Variants in CCDC57 observed in about 807,000 individuals in gnomAD.
The protein encoded by CCDC57 is coiled-coil domain-containing protein 57.
CCDC57 carries 118 observed loss-of-function variants against 118.9 expected under a neutral mutation model. That is an observed-to-expected ratio of 0.99 (90% CI 0.86 to 1.16). The LOEUF (loss-of-function observed/expected upper bound fraction) is 1.16. CCDC57 is among the 50% of genes most tolerant of loss of function. CCDC57 has a pLI of 0.00. For synonymous variants in CCDC57, 527 were observed against 532.9 expected (o/e 0.99, Z 0.15); for missense variants, 1,300 against 1,320.7 (o/e 0.98, Z 0.24).
At chr17:82,205,063 G>T (rs1046543001) in intron 2 of CCDC57, among the ~76,000 whole-genome samples, 1 of 152,360 alleles carries the variant, frequency 6.6e-6, no homozygotes, top group African/African-American at 2.4e-5. Context: ...CACAGTCTTG[G>T]CGACTGAAAC....
chr17:82,201,503 C>G, intron 3 of CCDC57, 35 bp downstream of exon 2: 1 of 1,533,004 alleles, frequency 6.5e-7, no homozygotes. Flanking sequence ...CTCTGCCAGG[C>G]ACTGCACAGG....
chr17:82,171,046 G>A (rs986153349), intron 13 of CCDC57, among the ~76,000 whole-genome samples: 2 of 152,002 alleles, frequency 1.3e-5, no homozygotes, highest in Non-Finnish European at 2.9e-5. Context: ...AACAGGGAGC[G>A]CTGACTGCAG....
At chr17:82,143,969 G>C (rs1369866113) in intron 16 of CCDC57, among the ~76,000 whole-genome samples, 1 of 150,480 alleles carries the variant, frequency 6.6e-6, no homozygotes. Flanking sequence ...AAATTAGCTA[G>C]GCTGAACCCG....
chr17:82,174,352 A>G (rs1452004976), intron 11 of CCDC57, among the ~76,000 whole-genome samples: 3 of 152,268 alleles, frequency 2.0e-5, no homozygotes, highest in Admixed American at 1.3e-4. Flanking sequence ...AAACGGAGAC[A>G]GTGCGATGCC....
At chr17:82,131,001 C>G (rs1375404178) in intron 17 of CCDC57, among the ~76,000 whole-genome samples, 1 of 148,448 alleles carries the variant, frequency 6.7e-6, no homozygotes, top group African/African-American at 2.5e-5. Context: ...TTGGTAGAGA[C>G]GAGGTTTTGC....
At position 82,210,210 on chromosome 17, in the gene CCDC57, G is replaced by A. The variant is rs1013541793; in HGVS notation, c.-210-2162C>T. On this transcript the variant is annotated intron_variant, in intron 1 of 19. Coordinates refer to ENST00000665763, the Ensembl canonical transcript of CCDC57. ...AAAAAGATGCACTAACACCGAGACC[G>A]CGCCCCTGCAAGCCAGCCTGGGAAG... 1.3e-5 allele frequency among the ~76,000 whole-genome samples: 2 copies of A among 152,038 alleles called. 1 individual carries two copies. The highest frequency in any genetic ancestry group is 4.8e-5 in the African/African-American group (2 of 41,380).
At chr17:82,169,383 C>T (rs2044391323) in intron 13 of CCDC57, among the ~76,000 whole-genome samples, 1 of 152,238 alleles carries the variant, frequency 6.6e-6, no homozygotes, top group Non-Finnish European at 1.5e-5. Context: ...CCCACCTCGG[C>T]CTCCCAAAGT....
At chr17:82,210,779 A>G (rs1212503884) in intron 1 of CCDC57, among the ~76,000 whole-genome samples, 2 of 151,390 alleles carry the variant, frequency 1.3e-5, no homozygotes, top group African/African-American at 4.9e-5. Flanking sequence ...GGATCACCTG[A>G]GGTCAGAAGT....
At chr17:82,161,120 G>A (rs1000553841) in intron 14 of CCDC57, among the ~76,000 whole-genome samples, 1 of 152,154 alleles carries the variant, frequency 6.6e-6, no homozygotes, top group East Asian at 1.9e-4. Flanking sequence ...GACACCAGGA[G>A]TCATCAGGAA....
exon 10 of CCDC57, chr17:82,179,097 T>A: frequency 6.2e-7 from 1 of 1,613,968 alleles, no homozygotes; most frequent in Non-Finnish European, 8.5e-7. Flanking sequence ...TTCAATGTCA[T>A]CACAGCGGCG....
intron 2 of CCDC57, among the ~76,000 whole-genome samples, chr17:82,202,502 C>G (rs2049119166): frequency 1.3e-5 from 2 of 151,834 alleles, no homozygotes; most frequent in Non-Finnish European, 1.5e-5. Context: ...GTAATCCCAG[C>G]CCTTTGGGAG....
At chr17:82,143,486 A>ACCC (rs1568239945) in intron 16 of CCDC57, among the ~76,000 whole-genome samples, 2 of 45,296 alleles carry the variant, frequency 4.4e-5, no homozygotes, top group African/African-American at 1.5e-4. Flanking sequence ...ACACACAGGC[A>ACCC]CACACACACA....
chr17:82,102,885 C>CA lies in CCDC57; in HGVS notation c.2900-1020dup, dbSNP rs11314063. ...GGGCGGACAAGGGCAAACTCTATCT[C>CA]AAAAAAAAAAAAAACAAAAAAAACC... On this transcript the variant is annotated intron_variant, in intron 19 of 19. Coordinates refer to ENST00000665763, the Ensembl canonical transcript of CCDC57. 7.0e-3 allele frequency among the ~76,000 whole-genome samples: 915 copies of CA among 130,720 alleles called. 8 individuals carry two copies. The highest frequency in any genetic ancestry group is 0.025 in the South Asian group (98 of 3,928). 85.8% of individuals were successfully genotyped at this position (130,720 alleles called of 152,430 possible). A position where few individuals can be genotyped will look rare whatever the true frequency, so the allele number is the denominator to read the frequency against.
intron 16 of CCDC57, among the ~76,000 whole-genome samples, chr17:82,139,728 T>G (rs190650224): frequency 2.6e-5 from 4 of 152,216 alleles, no homozygotes; most frequent in African/African-American, 7.2e-5. Flanking sequence ...GAACAGGGAC[T>G]GTCTCAGAGC....
At chr17:82,109,109 G>A (rs536798200) in intron 19 of CCDC57, among the ~76,000 whole-genome samples, 6 of 152,324 alleles carry the variant, frequency 3.9e-5, no homozygotes, top group East Asian at 3.9e-4. Context: ...ATGCAGCCTC[G>A]TTCTATCCCA....
chr17:82,162,931 C>T lies in CCDC57; in HGVS notation c.2040+269G>A, dbSNP rs540716640. On this transcript the variant is annotated intron_variant, in intron 14 of 19. Transcript: ENST00000665763. ...CAGGACCCCTCTGAGCGGGCACAGCCAGGGCCTGGTGTTCTGGCCGCCAGT... is the reference window on the plus strand; with the variant it reads ...CAGGACCCCTCTGAGCGGGCACAGCTAGGGCCTGGTGTTCTGGCCGCCAGT... Among the ~76,000 whole-genome samples the T allele has an allele frequency of 1.8e-4, 28 of 152,302 alleles. No individual in the cohort carries two copies. In the South Asian group the frequency reaches 5.4e-3, roughly 29 times the overall value.
chr17:82,182,554 A>G (rs576266035), intron 9 of CCDC57, among the ~76,000 whole-genome samples: 2 of 152,150 alleles, frequency 1.3e-5, no homozygotes, highest in East Asian at 3.9e-4. Context: ...GGGTTTTACC[A>G]TGTTGTCCAG....
chr17:82,107,321 G>A (rs1026188034), intron 19 of CCDC57: 9 of 427,272 alleles, frequency 2.1e-5, no homozygotes, highest in Admixed American at 1.4e-4. Context: ...GGGGGTGGGG[G>A]GATGCATGGC....
chr17:82,133,753 C>A (rs936553170), intron 17 of CCDC57, among the ~76,000 whole-genome samples: 1 of 151,588 alleles, frequency 6.6e-6, no homozygotes, highest in Non-Finnish European at 1.5e-5. Context: ...CCCAGCAACT[C>A]GGAAGGCTGA....
Sources: allele counts gnomAD v4.1 joint callset (sites outside exome capture counted in the v4.1 genomes callset), GRCh38; gene constraint gnomAD v4.1.1; transcripts MANE v1.5; gene names NCBI Gene and HGNC (gene_info 2026-07-23, HGNC 2026-07-21).